The following CPEB3 variants were observed in gnomAD, a reference collection of about 807,000 sequenced individuals.
The protein encoded by CPEB3 is cytoplasmic polyadenylation element-binding protein 3.
In CPEB3, 20 loss-of-function variants were observed where a neutral mutation model predicts 67.2. The observed-to-expected ratio is 0.30, with a 90% CI of 0.21 to 0.43. The LOEUF is 0.43. CPEB3 is among the 20% of genes least tolerant of loss of function. The pLI is 1.00. For missense variants in CPEB3, 746 were observed against 968.6 expected (o/e 0.77, Z 3.05); for synonymous variants, 376 against 393.1 (o/e 0.96, Z 0.51).
At chr10:92,141,990 C>A (rs1846450962) in intron 6 of CPEB3, among the ~76,000 whole-genome samples, 1 of 149,454 alleles carries the variant, frequency 6.7e-6, no homozygotes, top group African/African-American at 2.5e-5. Flanking sequence ...TGCACTCCAG[C>A]CTGGGCGACA....
chr10:92,054,260 T>G (rs1277318810), intron 9 of CPEB3, among the ~76,000 whole-genome samples: 1 of 151,890 alleles, frequency 6.6e-6, no homozygotes, highest in Non-Finnish European at 1.5e-5. Flanking sequence ...AAGCCTGGCC[T>G]GAGCAGCATA....
intron 6 of CPEB3, among the ~76,000 whole-genome samples, chr10:92,120,324 C>T (rs56705680): frequency 0.39 from 57,526 of 149,166 alleles, 11,658 homozygotes; most frequent in African/African-American, 0.53. Context: ...GTGGCTCACA[C>T]CTGTAATCCC....
chr10:92,060,120 G>A (rs1842283018), intron 9 of CPEB3, among the ~76,000 whole-genome samples: 1 of 151,970 alleles, frequency 6.6e-6, no homozygotes, highest in Non-Finnish European at 1.5e-5. Flanking sequence ...ACTTTGGGAG[G>A]CCGAGGTGGG....
In CPEB3 at chr10:92,281,871, G is replaced by A. The variant is rs146439556; in HGVS notation, c.-12+9055C>T. Reference sequence around the variant, plus strand: ...GTGCAGAGTTTTATCTACTGTTGCCGGTGCCATCAGTGTAAATGCTAACGC... The same window carrying A: ...GTGCAGAGTTTTATCTACTGTTGCCAGTGCCATCAGTGTAAATGCTAACGC... On this transcript the variant is annotated intron_variant, in intron 1 of 9. Transcript: ENST00000265997. 1.8e-3 allele frequency among the ~76,000 whole-genome samples: 281 copies of A among 152,158 alleles called. 1 individual carries two copies. In the Middle Eastern group the frequency reaches 0.02, roughly 11 times the overall value.
At chr10:92,108,602 T>C (rs1361901638) in intron 7 of CPEB3, among the ~76,000 whole-genome samples, 4 of 152,186 alleles carry the variant, frequency 2.6e-5, no homozygotes, top group Non-Finnish European at 5.9e-5. Context: ...ACTAAAACTG[T>C]TTATGCTGGA....
chr10:92,207,211 G>C (rs1849834007), intron 2 of CPEB3, among the ~76,000 whole-genome samples: 1 of 152,012 alleles, frequency 6.6e-6, no homozygotes, highest in African/African-American at 2.4e-5. Context: ...TAAATCTCCT[G>C]GGCTCAAGCA....
At chr10:92,226,968 C>T (rs1201275269) in intron 2 of CPEB3, among the ~76,000 whole-genome samples, 1 of 152,162 alleles carries the variant, frequency 6.6e-6, no homozygotes. Context: ...CCAATTTTGT[C>T]AAAATCTGTA....
intron 7 of CPEB3, among the ~76,000 whole-genome samples, chr10:92,092,474 A>G (rs924564775): frequency 2.0e-5 from 3 of 152,194 alleles, no homozygotes; most frequent in Non-Finnish European, 4.4e-5. Context: ...CAAAGATAAC[A>G]ATAAAGCACA....
chr10:92,241,966 A>G (rs1045231633), intron 1 of CPEB3, among the ~76,000 whole-genome samples: 2 of 152,230 alleles, frequency 1.3e-5, no homozygotes, highest in Non-Finnish European at 2.9e-5. Context: ...GTGAAAAGGC[A>G]TTCAGATACA....
At chr10:92,064,991 G>C (rs1012437896) in intron 9 of CPEB3, among the ~76,000 whole-genome samples, 17 of 152,278 alleles carry the variant, frequency 1.1e-4, no homozygotes, top group African/African-American at 4.1e-4. Context: ...ATACAAAGTA[G>C]TTATCAATGA....
At chr10:92,170,996 G>A (rs774946282) in intron 4 of CPEB3, among the ~76,000 whole-genome samples, 1 of 152,142 alleles carries the variant, frequency 6.6e-6, no homozygotes, top group African/African-American at 2.4e-5. Context: ...AATAACATAA[G>A]GAATAATACA....
At chr10:92,231,651 T>C (rs1195666869) in intron 2 of CPEB3, among the ~76,000 whole-genome samples, 2 of 152,188 alleles carry the variant, frequency 1.3e-5, no homozygotes, top group Non-Finnish European at 2.9e-5. Flanking sequence ...GGTTGTCCAC[T>C]ACTGTATGCT....
At chr10:92,072,524 G>T (rs868814684) in intron 9 of CPEB3, among the ~76,000 whole-genome samples, 7 of 152,196 alleles carry the variant, frequency 4.6e-5, no homozygotes, top group Non-Finnish European at 8.8e-5. Flanking sequence ...GCAATAAAGT[G>T]TGAGGTAGTT....
intron 8 of CPEB3, among the ~76,000 whole-genome samples, chr10:92,082,865 T>A (rs2133227130): frequency 6.6e-6 from 1 of 152,286 alleles, no homozygotes; most frequent in African/African-American, 2.4e-5. Context: ...CCACAGCCAA[T>A]GTGCAAAGAT....
chr10:92,220,691 G>A (rs914424072), intron 2 of CPEB3, among the ~76,000 whole-genome samples: 1 of 152,062 alleles, frequency 6.6e-6, no homozygotes, highest in African/African-American at 2.4e-5. Context: ...GCTGGCAAAA[G>A]TCTAGTCAAT....
At chr10:92,289,418 G>A (rs189649995) in intron 1 of CPEB3, among the ~76,000 whole-genome samples, 1 of 151,766 alleles carries the variant, frequency 6.6e-6, no homozygotes, top group South Asian at 2.1e-4. Flanking sequence ...GCACACACCT[G>A]TAGTCCCAGC....
At chr10:92,257,886 T>C (rs558571478) in intron 1 of CPEB3, among the ~76,000 whole-genome samples, 3 of 148,852 alleles carry the variant, frequency 2.0e-5, no homozygotes, top group African/African-American at 7.4e-5. Context: ...CCCACCACCA[T>C]GCCCAGCTAA....
Position 92,049,760 on chromosome 10 carries a change from A to G in CPEB3, c.*2452T>C, listed in dbSNP as rs1187282513. 6.6e-6 allele frequency: 1 copy of G among 152,608 alleles called. No homozygotes were observed. Among genetic ancestry groups the G allele is most frequent in the Non-Finnish European group, 1.5e-5 (1 of 68,034 alleles). The allele number at this position is 152,608 out of a possible 1,614,324, so 9.5% of individuals were successfully genotyped here. On this transcript the variant is annotated 3_prime_UTR_variant, in exon 10 of 10. Coordinates refer to ENST00000265997, the MANE Select transcript of CPEB3 (RefSeq NM_014912.5). ...TTAAAAAAATCTCAGTGTTATTTTA[A>G]TACATGAAAGAGGGGTGCTTCTTCA...
At chr10:92,134,040 G>A (rs929233646) in intron 6 of CPEB3, among the ~76,000 whole-genome samples, 12 of 152,060 alleles carry the variant, frequency 7.9e-5, no homozygotes, top group African/African-American at 1.4e-4. Flanking sequence ...AGCTATTTAC[G>A]ACAAACCCAC....
Sources: gnomAD v4.1 joint callset for allele counts (sites outside exome capture counted in the v4.1 genomes callset) on GRCh38, gnomAD v4.1.1 for gene constraint, MANE v1.5 for transcripts, NCBI Gene and HGNC (gene_info 2026-07-23, HGNC 2026-07-21) for gene names.